Variants in SHROOM4 observed in about 807,000 individuals in gnomAD.
SHROOM4 encodes the protein shroom family member 4, also known as protein Shroom4.
Under a neutral mutation model 80.3 loss-of-function variants are expected in SHROOM4, and 17 were observed. That is an observed-to-expected ratio of 0.21 (90% confidence interval 0.14 to 0.32). The LOEUF (loss-of-function observed/expected upper bound fraction) is 0.32, where lower values mean the gene tolerates loss of function less well. SHROOM4 is among the 10% of genes least tolerant of loss of function. The probability of loss-of-function intolerance (pLI) is 1.00; values close to 1 mark genes in which losing one functional copy is unlikely to be tolerated. For missense variants in SHROOM4, 993 were observed against 1,140.3 expected (o/e 0.87, Z 1.86); for synonymous variants, 400 against 437.5 (o/e 0.91, Z 1.07).
chrX:50,740,500 G>C, intron 1 of SHROOM4, among the ~76,000 whole-genome samples: 1 of 111,426 alleles, frequency 9.0e-6, no homozygotes, highest in Non-Finnish European at 1.9e-5. Context: ...AATGATAGCA[G>C]GGGACTCTAA....
chrX:50,637,883 G>A (rs184660548), intron 3 of SHROOM4, among the ~76,000 whole-genome samples: 1 of 112,087 alleles, frequency 8.9e-6, no homozygotes, highest in Non-Finnish European at 1.9e-5. Flanking sequence ...TAGGAAAAGA[G>A]ATACGGAGAA....
At chrX:50,794,726 T>G (rs1442926767) in intron 1 of SHROOM4, among the ~76,000 whole-genome samples, 1 of 107,520 alleles carries the variant, frequency 9.3e-6, no homozygotes, top group Non-Finnish European at 1.9e-5. Flanking sequence ...GGTACCTACC[T>G]ACCTATTTAT....
At chrX:50,698,700 T>C (rs782716454) in intron 1 of SHROOM4, among the ~76,000 whole-genome samples, 12 of 111,249 alleles carry the variant, frequency 1.1e-4, no homozygotes, top group Non-Finnish European at 2.1e-4. Flanking sequence ...CTATTTATTG[T>C]CTGGCCTCCT....
intron 2 of SHROOM4, among the ~76,000 whole-genome samples, chrX:50,652,986 G>T (rs1035887483): frequency 1.8e-5 from 2 of 111,591 alleles, no homozygotes; most frequent in Non-Finnish European, 3.8e-5. Flanking sequence ...AGTATAGTTT[G>T]AAGTCAGGTA....
At chrX:50,700,719 C>T (rs1349910707) in intron 1 of SHROOM4, among the ~76,000 whole-genome samples, 1 of 111,829 alleles carries the variant, frequency 8.9e-6, no homozygotes, top group Non-Finnish European at 1.9e-5. Context: ...CTCAAATTTC[C>T]GAAGCAGTCT....
the SHROOM4 span, among the ~76,000 whole-genome samples, chrX:50,577,259 T>A: frequency 8.9e-6 from 1 of 112,971 alleles, no homozygotes; most frequent in African/African-American, 3.2e-5. Context: ...TCCTTTGAAG[T>A]AAGACTCAAA....
intron 1 of SHROOM4, among the ~76,000 whole-genome samples, chrX:50,710,848 T>G (rs189080987): frequency 5.9e-4 from 65 of 110,889 alleles, no homozygotes; most frequent in African/African-American, 2.1e-3. Context: ...TCCCTTTGGG[T>G]TTTTCATCTA....
In SHROOM4 at chrX:50,588,008, G is replaced by A. The variant is rs1928793485; in HGVS notation, c.*8687C>T. Among the ~76,000 whole-genome samples, 1 of 111,954 alleles carries A rather than the reference G, an allele frequency of 8.9e-6. No homozygotes were observed. The highest frequency in any genetic ancestry group is 3.8e-4 in the South Asian group (1 of 2,662). ...CTTTAAGTCTAAAGATAGGTTTGAG[G>A]AGGAGTGGATGTTTTCCCCAAACCA... On this transcript the variant is annotated 3_prime_UTR_variant, in exon 9 of 9. Coordinates refer to ENST00000376020, the MANE Select transcript of SHROOM4 (RefSeq NM_020717.5).
At chrX:50,695,381 A>G (rs901405272) in intron 2 of SHROOM4, among the ~76,000 whole-genome samples, 2 of 111,717 alleles carry the variant, frequency 1.8e-5, no homozygotes, top group Non-Finnish European at 3.8e-5. Flanking sequence ...AGGGTTTCTA[A>G]GAGTTTGCTA....
chrX:50,752,770 C>G (rs1300088007), intron 1 of SHROOM4, among the ~76,000 whole-genome samples: 1 of 112,089 alleles, frequency 8.9e-6, no homozygotes, highest in African/African-American at 3.2e-5. Flanking sequence ...CAGGTCAGCT[C>G]AGTGCCTACA....
At chrX:50,766,047 T>C (rs1045796829) in intron 1 of SHROOM4, among the ~76,000 whole-genome samples, 4 of 111,524 alleles carry the variant, frequency 3.6e-5, no homozygotes, top group African/African-American at 1.3e-4. Context: ...TTTGTCCATC[T>C]CTGCCCCTAG....
At position 50,654,919 on chromosome X, in the gene SHROOM4, A is replaced by G. The variant is rs1014780137; in HGVS notation, c.270-16611T>C. Among the ~76,000 whole-genome samples, 7 of 103,914 alleles carry G rather than the reference A, an allele frequency of 6.7e-5. No homozygotes were observed. The East Asian group carries it at 1.5e-3, about 22-fold the overall frequency. 90.2% of individuals were successfully genotyped at this position (103,914 alleles called of 115,157 possible). A position where few individuals can be genotyped will look rare whatever the true frequency, so the allele number is the denominator to read the frequency against. On this transcript the variant is annotated intron_variant, in intron 2 of 8. Transcript: ENST00000376020. ...TAACCACAGTACCCAATAGTTTTCC[A>G]GTCCTTGTCCCCCTCTGTCCTTCCC...
rs782052926 is a variant in SHROOM4, at chrX:50,813,948, G to T, written c.71C>A (p.Thr24Asn). Residue 24 changes from threonine to asparagine, a missense_variant, in exon 1 of 9, where the codon ACC becomes AAC. Transcript: ENST00000376020. ...ACAGTGTTCCAGACCCCCCTTAAGG[G>T]TGAAGCCCCAGGGTGCCCCCCCTTG... ...QLQGGAPWGF[T>N]LKGGLEHCEP... is the part of the protein sequence containing the mutation. 8.3e-7 allele frequency: 1 copy of T among 1,208,345 alleles called. No homozygotes were observed. The highest frequency in any genetic ancestry group is 1.1e-6 in the Non-Finnish European group (1 of 893,489).
At position 50,634,296 on chromosome X, in the gene SHROOM4, G is replaced by A. The variant is rs782646584; in HGVS notation, c.1777C>T (p.Arg593Cys). Residue 593 changes from arginine (R) to cysteine (C), a missense_variant, in exon 4 of 9, where the codon CGT (arginine) becomes TGT (cysteine). Transcript: ENST00000376020. ...GCCTTCCTCCTCTGAATTTCATTACGCAGATTGGTAGCAAAACGCTCACTC... is the reference window on the plus strand; with the variant it reads ...GCCTTCCTCCTCTGAATTTCATTACACAGATTGGTAGCAAAACGCTCACTC... ...RKSERFATNL[R>C]NEIQRRKAQL... 4 of 1,211,129 alleles carry A rather than the reference G, an allele frequency of 3.3e-6. No individual in the cohort carries two copies. Among genetic ancestry groups the A allele is most frequent in the Admixed American group, 2.2e-5 (1 of 45,980 alleles).
chrX:50,768,582 T>C (rs1378911429), intron 1 of SHROOM4, among the ~76,000 whole-genome samples: 1 of 112,231 alleles, frequency 8.9e-6, no homozygotes, highest in African/African-American at 3.2e-5. Flanking sequence ...TCGAGTTTGG[T>C]CATTCTGTAA....
In SHROOM4 at chrX:50,596,190, C is replaced by A. The variant is rs962854272; in HGVS notation, c.*505G>T. 2 of 331,743 alleles carry A rather than the reference C, an allele frequency of 6.0e-6. No homozygotes were observed. Among genetic ancestry groups the A allele is most frequent in the Non-Finnish European group, 1.2e-5 (2 of 171,179 alleles). The allele number at this position is 331,743 out of a possible 1,213,427, so 27.3% of individuals were successfully genotyped here. A position where few individuals can be genotyped will look rare whatever the true frequency, so the allele number is the denominator to read the frequency against. ...AGTGTAATTCCTCCCTCTGTGCTTT[C>A]CCCTGCAAAGCTTGGGTGAGGCCCT... On this transcript the variant is annotated 3_prime_UTR_variant, in exon 9 of 9. Coordinates refer to ENST00000376020, the MANE Select transcript of SHROOM4 (RefSeq NM_020717.5).
intron 1 of SHROOM4, among the ~76,000 whole-genome samples, chrX:50,800,121 C>T (rs1219439608): frequency 8.9e-6 from 1 of 112,152 alleles, no homozygotes; most frequent in Admixed American, 9.4e-5. Context: ...CCTCTAGTTC[C>T]CATGTGTGTG....
intron 1 of SHROOM4, among the ~76,000 whole-genome samples, chrX:50,757,186 C>T (rs1381096189): frequency 1.8e-5 from 2 of 112,265 alleles, no homozygotes; most frequent in East Asian, 5.6e-4. Context: ...AGTCAAAGAT[C>T]AAATTCATTA....
chrX:50,613,141 A>T, intron 5 of SHROOM4, among the ~76,000 whole-genome samples: 1 of 111,649 alleles, frequency 9.0e-6, no homozygotes, highest in East Asian at 2.8e-4. Context: ...TTTTTTTGAG[A>T]CAGAGTCCAG....
Sources: allele counts gnomAD v4.1 joint callset (sites outside exome capture counted in the v4.1 genomes callset), GRCh38; gene constraint gnomAD v4.1.1; transcripts MANE v1.5; gene names NCBI Gene and HGNC (gene_info 2026-07-23, HGNC 2026-07-21).